Variants in LRRC74A observed in about 807,000 individuals in gnomAD.
LRRC74A encodes leucine-rich repeat-containing protein 74A.
In LRRC74A, 44 loss-of-function variants were observed where a neutral mutation model predicts 57.9. The observed-to-expected ratio is 0.76, with a 90% confidence interval of 0.60 to 0.98. The LOEUF (loss-of-function observed/expected upper bound fraction) is 0.98, where lower values mean the gene tolerates loss of function less well. Among genes scored for constraint, LRRC74A ranks in the 50% least tolerant of loss-of-function variants. LRRC74A has a pLI of 0.00. For missense variants in LRRC74A, 572 were observed against 574.0 expected (o/e 1.00, Z 0.04); for synonymous variants, 211 against 219.4 (o/e 0.96, Z 0.34).
Position 76,870,258 on chromosome 14 carries a change from G to C in LRRC74A, c.*109G>C, listed in dbSNP as rs1442303972. ...TGAAATCTCGATGGACAGATGCTGT[G>C]GCAGGGGCTGGGCACAAGCAAATAA... On this transcript the variant is annotated 3_prime_UTR_variant, in exon 14 of 14. Coordinates refer to ENST00000689127, the MANE Select transcript of LRRC74A (RefSeq NM_001385106.1). 2.0e-5 allele frequency: 24 copies of C among 1,223,228 alleles called. No individual in the cohort carries two copies. Among genetic ancestry groups the C allele is most frequent in the Middle Eastern group, 2.4e-4 (1 of 4,208 alleles). The allele number at this position is 1,223,228 out of a possible 1,614,324, so 75.8% of individuals were successfully genotyped here.
In LRRC74A at chr14:76,870,134, C is replaced by T; in HGVS notation, c.1401C>T (p.Asn467=). Residue 467 remains asparagine, a synonymous_variant, in exon 14 of 14, where the codon AAC becomes AAT. Coordinates refer to ENST00000689127, the MANE Select transcript of LRRC74A (RefSeq NM_001385106.1). ...TTACCTTTCGTACCAGTTTCTTGAACACGATGAAGCCATAGCAACAAGTCT... is the reference window on the plus strand; with the variant it reads ...TTACCTTTCGTACCAGTTTCTTGAATACGATGAAGCCATAGCAACAAGTCT... The part of the protein sequence containing the change: ...KTGMVNFSFL[N]TMKP The T allele has an allele frequency of 6.2e-7, 1 of 1,611,650 alleles. No individual in the cohort carries two copies. The highest frequency in any genetic ancestry group is 1.1e-5 in the South Asian group (1 of 90,366).
Position 76,836,196 on chromosome 14 carries a change from G to A in LRRC74A, c.340-11G>A. ...TCTGTGTCTCTCTCCCTCCCCTTGTGCTGGCTGAAGTCCAACATGGCTGTT... is the reference window on the plus strand; with the variant it reads ...TCTGTGTCTCTCTCCCTCCCCTTGTACTGGCTGAAGTCCAACATGGCTGTT... On this transcript the variant is annotated splice_polypyrimidine_tract_variant and intron_variant, in intron 3 of 13. Transcript: ENST00000689127. 6.2e-7 allele frequency: 1 copy of A among 1,603,108 alleles called. No individual in the cohort carries two copies. The highest frequency in any genetic ancestry group is 8.5e-7 in the Non-Finnish European group (1 of 1,170,720).
At chr14:76,852,619 CTTT>C (rs34074806) in intron 8 of LRRC74A, among the ~76,000 whole-genome samples, 169 bp downstream of exon 8, 1 of 130,014 alleles carries the variant, frequency 7.7e-6, no homozygotes. Flanking sequence ...CCTGGATGCA[CTTT>C]TTTTTTTTTT....
chr14:76,844,564 C>G, intron 6 of LRRC74A, 92 bp downstream of exon 6: 2 of 1,305,766 alleles, frequency 1.5e-6, no homozygotes, highest in Non-Finnish European at 2.2e-6. Flanking sequence ...TAACGTGAGG[C>G]TACTTTCACA....
chr14:76,829,023 G>A (rs1217880241), intron 2 of LRRC74A: 1 of 1,289,326 alleles, frequency 7.8e-7, no homozygotes, highest in Non-Finnish European at 1.0e-6. Flanking sequence ...CTGGGTATCG[G>A]GACTGGCTGA....
intron 5 of LRRC74A, among the ~76,000 whole-genome samples, chr14:76,844,186 A>G (rs1380458068): frequency 6.6e-6 from 1 of 152,184 alleles, no homozygotes; most frequent in Non-Finnish European, 1.5e-5. Flanking sequence ...AATTCTTTGT[A>G]GAGACAAGGG....
At chr14:76,863,745 A>G (rs923087440) in intron 11 of LRRC74A, among the ~76,000 whole-genome samples, 2 of 152,220 alleles carry the variant, frequency 1.3e-5, no homozygotes, top group Non-Finnish European at 2.9e-5. Context: ...TTATTACAGG[A>G]GAGAGATCAA....
intron 5 of LRRC74A, among the ~76,000 whole-genome samples, chr14:76,844,045 C>T (rs187517677): frequency 6.6e-6 from 1 of 152,274 alleles, no homozygotes; most frequent in East Asian, 1.9e-4. Context: ...GTCACCCAGG[C>T]TGGAGTGCAG....
At chr14:76,864,638 G>C (rs1466848794) in intron 11 of LRRC74A, among the ~76,000 whole-genome samples, 1 of 152,202 alleles carries the variant, frequency 6.6e-6, no homozygotes, top group African/African-American at 2.4e-5. Context: ...AGGATCACTT[G>C]AGGTCAGAAG....
At chr14:76,856,603 AC>A (rs1897900285) in intron 9 of LRRC74A, among the ~76,000 whole-genome samples, 1 of 81,772 alleles carries the variant, frequency 1.2e-5, no homozygotes, top group African/African-American at 3.7e-5. Context: ...TGGATGGATG[AC>A]AGGTGGATGG....
intron 2 of LRRC74A, chr14:76,829,125 T>C (rs1044980619): frequency 4.7e-6 from 6 of 1,289,224 alleles, no homozygotes; most frequent in African/African-American, 4.6e-5. Context: ...AAGAGAACAC[T>C]TGTGAAGCAA....
chr14:76,870,029 T>C, intron 13 of LRRC74A, 96 bp from the exon 14 acceptor site: 2 of 1,353,252 alleles, frequency 1.5e-6, no homozygotes, highest in Non-Finnish European at 2.1e-6. Flanking sequence ...GGTTTACAAA[T>C]GGTCTCCTTT....
At chr14:76,861,972 C>T (rs1898346897) in intron 11 of LRRC74A, among the ~76,000 whole-genome samples, 1 of 152,224 alleles carries the variant, frequency 6.6e-6, no homozygotes, top group Admixed American at 6.5e-5. Flanking sequence ...TTCTAGAAGA[C>T]AAAGCGGTGT....
chr14:76,856,224 G>T (rs1403831280), intron 9 of LRRC74A, among the ~76,000 whole-genome samples: 3 of 151,950 alleles, frequency 2.0e-5, no homozygotes, highest in African/African-American at 7.3e-5. Flanking sequence ...CTCTGGTTTT[G>T]CCCCCCTTCC....
At chr14:76,864,483 A>G (rs1898606798) in intron 11 of LRRC74A, among the ~76,000 whole-genome samples, 1 of 151,860 alleles carries the variant, frequency 6.6e-6, no homozygotes, top group African/African-American at 2.4e-5. Context: ...AAAGGACCCA[A>G]AAGAATACTG....
Position 76,844,913 on chromosome 14 carries a change from T to C in LRRC74A, c.676+12T>C. 2.1e-6 allele frequency: 3 copies of C among 1,445,702 alleles called. No homozygotes were observed. The highest frequency in any genetic ancestry group is 2.9e-6 in the Non-Finnish European group (3 of 1,027,320). 89.6% of individuals were successfully genotyped at this position (1,445,702 alleles called of 1,614,324 possible). A position where few individuals can be genotyped will look rare whatever the true frequency, so the allele number is the denominator to read the frequency against. On this transcript the variant is annotated intron_variant, in intron 7 of 13. Transcript: ENST00000689127. Reference sequence around the variant, plus strand: ...GGGCCAGATGCTGGGTGAGTCTCCCTGGAGGAAGGGACAGCAAAGGGGAGG... The same window carrying C: ...GGGCCAGATGCTGGGTGAGTCTCCCCGGAGGAAGGGACAGCAAAGGGGAGG...
intron 11 of LRRC74A, among the ~76,000 whole-genome samples, chr14:76,865,624 C>T (rs1406761157): frequency 6.6e-6 from 1 of 152,210 alleles, no homozygotes; most frequent in Non-Finnish European, 1.5e-5. Flanking sequence ...ATCACTGTCC[C>T]ATCCTCGTGG....
chr14:76,870,204 T>A lies in LRRC74A; in HGVS notation c.*55T>A. The A allele has an allele frequency of 6.3e-7, 1 of 1,576,064 alleles. No individual in the cohort carries two copies. Among genetic ancestry groups the A allele is most frequent in the Non-Finnish European group, 8.6e-7 (1 of 1,156,404 alleles). On this transcript the variant is annotated 3_prime_UTR_variant, in exon 14 of 14. Coordinates refer to ENST00000689127, the MANE Select transcript of LRRC74A (RefSeq NM_001385106.1). ...GCGAGAGGAGTCCTCGCAAGTCGGA[T>A]GGTGGCAGGGAGGAGAGCAAGAGGT... is the stretch of plus-strand genomic sequence containing the variant.
intron 11 of LRRC74A, 42 bp from the exon 12 acceptor site, chr14:76,865,926 C>T (rs763731895): frequency 7.0e-6 from 10 of 1,425,796 alleles, no homozygotes; most frequent in Admixed American, 1.9e-5. Context: ...ATCGTTGTTA[C>T]AAGACCAAGT....
Sources: gnomAD v4.1 joint callset for allele counts (sites outside exome capture counted in the v4.1 genomes callset) on GRCh38, gnomAD v4.1.1 for gene constraint, MANE v1.5 for transcripts, NCBI Gene and HGNC (gene_info 2026-07-23, HGNC 2026-07-21) for gene names.